The following MALAT1 variants were observed in gnomAD, a reference collection of about 807,000 sequenced individuals.
MALAT1 encodes metastasis associated lung adenocarcinoma transcript 1.
chr11:65,504,258 TC>T (rs770217044), intron 3 of MALAT1: 1 of 518,018 alleles, frequency 1.9e-6, no homozygotes, highest in Non-Finnish European at 3.9e-6. Context: ...AAAATTTTTT[TC>T]CTGGAATTTG....
exon 3 of MALAT1, chr11:65,502,779 C>G (rs781759118): frequency 6.4e-5 from 33 of 515,222 alleles, no homozygotes; most frequent in African/African-American, 6.2e-4. Context: ...ATAAGCATAA[C>G]CCTGAGATTC....
exon 3 of MALAT1, chr11:65,501,337 A>G (rs370044144): frequency 4.0e-5 from 21 of 518,840 alleles, no homozygotes; most frequent in Middle Eastern, 3.2e-4. Context: ...AGAAAATCCA[A>G]TATCAGGATA....
chr11:65,499,677 A>G, exon 3 of MALAT1: 1 of 434,714 alleles, frequency 2.3e-6, no homozygotes, highest in Non-Finnish European at 4.5e-6. Flanking sequence ...TGGAAGACAG[A>G]AGTACGGGAA....
intron 2 of MALAT1, chr11:65,498,759 TGTGAG>T: frequency 1.9e-6 from 1 of 518,958 alleles, no homozygotes; most frequent in South Asian, 1.4e-5. Flanking sequence ...CCGGGGGTTT[TGTGAG>T]GTGTTTGATG....
At chr11:65,499,575 C>T (rs1430723721) in exon 3 of MALAT1, 1 of 454,236 alleles carries the variant, frequency 2.2e-6, no homozygotes, top group Non-Finnish European at 4.4e-6. Context: ...GCCTAGTTAA[C>T]GCATTTACTA....
exon 3 of MALAT1, chr11:65,500,406 A>C: frequency 1.9e-6 from 1 of 519,006 alleles, no homozygotes; most frequent in Non-Finnish European, 3.8e-6. Context: ...CAGGTGCTAC[A>C]CAGAAGTGGA....
At chr11:65,503,906 G>A in intron 3 of MALAT1, 1 of 517,704 alleles carries the variant, frequency 1.9e-6, no homozygotes, top group South Asian at 1.4e-5. Context: ...TCTTAGACAG[G>A]TGGGAGATTA....
At chr11:65,501,500 CTTG>C (rs774307086) in exon 3 of MALAT1, 14 of 517,968 alleles carry the variant, frequency 2.7e-5, no homozygotes, top group African/African-American at 1.9e-4. Flanking sequence ...ACCCCTTAAA[CTTG>C]TTATTTTTTA....
chr11:65,498,686 T>C (rs1430158415), exon 2 of MALAT1: 1 of 518,202 alleles, frequency 1.9e-6, no homozygotes, highest in Admixed American at 1.9e-5. Flanking sequence ...CAAAAGGTGG[T>C]AAACTATACC....
At chr11:65,501,700 C>T (rs759658970) in exon 3 of MALAT1, 16 of 518,854 alleles carry the variant, frequency 3.1e-5, no homozygotes, top group Non-Finnish European at 5.0e-5. Context: ...GAAGAGTATT[C>T]CCAGTTGAAG....
chr11:65,502,461 G>GT (rs1565053782), exon 3 of MALAT1: 1 of 497,834 alleles, frequency 2.0e-6, no homozygotes. Context: ...CTTTTCCATT[G>GT]TTTAACTGCA....
exon 3 of MALAT1, chr11:65,500,302 T>TC: frequency 1.9e-6 from 1 of 518,912 alleles, no homozygotes; most frequent in African/African-American, 1.9e-5. Flanking sequence ...TAATTCAAGA[T>TC]CAAGAGTAAT....
chr11:65,498,435 A>G (rs777118267), intron 1 of MALAT1: 1 of 518,590 alleles, frequency 1.9e-6, no homozygotes, highest in Non-Finnish European at 3.8e-6. Flanking sequence ...TGTGGGATTG[A>G]GGCGTTTTCC....
chr11:65,503,992 A>G (rs927242801), intron 3 of MALAT1: 2 of 516,834 alleles, frequency 3.9e-6, no homozygotes, highest in African/African-American at 3.9e-5. Flanking sequence ...GATTAGAGTA[A>G]TACTTTTTCA....
At chr11:65,500,110 T>G (rs967472947) in exon 3 of MALAT1, 2 of 477,086 alleles carry the variant, frequency 4.2e-6, no homozygotes, top group South Asian at 3.0e-5. Flanking sequence ...AGAACCAATT[T>G]AGAAGAATAC....
At chr11:65,505,650 AAT>A (rs1854669211) in intron 3 of MALAT1, 1 of 518,902 alleles carries the variant, frequency 1.9e-6, no homozygotes, top group African/African-American at 1.9e-5. Flanking sequence ...CATGATCCAT[AAT>A]CGGTTTCAAG....
intron 2 of MALAT1, chr11:65,498,801 T>G (rs1565673073): frequency 1.9e-6 from 1 of 518,974 alleles, no homozygotes; most frequent in Admixed American, 1.9e-5. Context: ...ATTTCCATGT[T>G]TCTTTTGTCT....
exon 3 of MALAT1, chr11:65,501,354 CCA>C (rs753238672): frequency 1.9e-6 from 1 of 518,694 alleles, no homozygotes; most frequent in East Asian, 5.4e-5. Context: ...GATAATCAGA[CCA>C]CCACAGGTTT....
exon 3 of MALAT1, chr11:65,500,253 G>T: frequency 1.9e-6 from 1 of 518,460 alleles, no homozygotes; most frequent in South Asian, 1.4e-5. Flanking sequence ...AAATATAGTA[G>T]CTTAGTTTGA....
Sources: allele counts gnomAD v4.1 joint callset, GRCh38; gene constraint gnomAD v4.1.1; transcripts MANE v1.5; gene names NCBI Gene and HGNC (gene_info 2026-07-23, HGNC 2026-07-21).